The following IZUMO4 variants were observed in gnomAD, a reference collection of about 807,000 sequenced individuals.
IZUMO4 encodes the protein IZUMO family member 4, also known as izumo sperm-egg fusion protein 4.
IZUMO4 carries 51 observed loss-of-function variants against 37.1 expected under a neutral mutation model. The observed-to-expected ratio is 1.38, with a 90% confidence interval of 1.10 to 1.74. IZUMO4 has a LOEUF of 1.74. IZUMO4 is among the 40% of genes most tolerant of loss of function. The pLI is 0.00. For missense variants in IZUMO4, 364 were observed against 299.6 expected (o/e 1.21, Z -1.59); for synonymous variants, 162 against 121.4 (o/e 1.33, Z -2.20).
chr19:2,097,455 C>T lies in IZUMO4; in HGVS notation c.330C>T (p.Phe110=), dbSNP rs1387390210. 1.9e-6 allele frequency: 3 copies of T among 1,610,898 alleles called. No homozygotes were observed. The highest frequency in any genetic ancestry group is 1.7e-6 in the Non-Finnish European group (2 of 1,178,738). Reference sequence around the variant, plus strand: ...TCCCCAACGAGCTGCGAAACATCTTCCGGGAGCAGGTGCACCTCATCCAGA... The same window carrying T: ...TCCCCAACGAGCTGCGAAACATCTTTCGGGAGCAGGTGCACCTCATCCAGA... ...GYFPNELRNI[F]REQVHLIQNA... The change falls in exon 3 of 10, where the codon TTC becomes TTT. Residue 110 remains phenylalanine, a synonymous_variant. Coordinates refer to ENST00000395301, the MANE Select transcript of IZUMO4 (RefSeq NM_001039846.2).
chr19:2,098,907 TC>T, intron 8 of IZUMO4, 68 bp from the exon 9 acceptor site: 1 of 1,587,272 alleles, frequency 6.3e-7, no homozygotes, highest in Non-Finnish European at 8.6e-7. Flanking sequence ...GGTGGGGCTC[TC>T]CCTATACCTG....
chr19:2,098,779 C>A lies in IZUMO4; in HGVS notation c.537-8C>A, dbSNP rs1271591853. 2 of 1,603,958 alleles carry A rather than the reference C, an allele frequency of 1.2e-6. No homozygotes were observed. Among genetic ancestry groups the A allele is most frequent in the Non-Finnish European group, 1.7e-6 (2 of 1,175,868 alleles). ...TGGAGGGGCTGACTGCCCCACATTG[C>A]CTTTCAGACAGGACACGAGCATGAG... On this transcript the variant is annotated splice_polypyrimidine_tract_variant and splice_region_variant and intron_variant, in intron 7 of 9. Coordinates refer to ENST00000395301, the MANE Select transcript of IZUMO4 (RefSeq NM_001039846.2).
Position 2,098,424 on chromosome 19 carries a change from CTG to C in IZUMO4, c.522-10_522-9del, listed in dbSNP as rs762427050. 3 of 1,613,828 alleles carry C rather than the reference CTG, an allele frequency of 1.9e-6. No individual in the cohort carries two copies. The highest frequency in any genetic ancestry group is 2.5e-6 in the Non-Finnish European group (3 of 1,180,000). ...ACTCGGCCTCCTGAGTCCAAACCCA[CTG>C]TCTTTGTAGAAATAACTGGCACAAG... On this transcript the variant is annotated splice_polypyrimidine_tract_variant and intron_variant, in intron 6 of 9. Transcript: ENST00000395301.
At position 2,099,589 on chromosome 19, in the gene IZUMO4, C is replaced by A; in HGVS notation, c.*244C>A. On this transcript the variant is annotated 3_prime_UTR_variant, in exon 10 of 10. Coordinates refer to ENST00000395301, the MANE Select transcript of IZUMO4 (RefSeq NM_001039846.2). ...TTAAAGTCCCTGATGTTTCTCTTTG[C>A]AGAAGAGTTCTTGTTGGGGCAGGGG... 1.9e-6 allele frequency: 1 copy of A among 538,548 alleles called. No individual in the cohort carries two copies. Among genetic ancestry groups the A allele is most frequent in the Non-Finnish European group, 3.4e-6 (1 of 296,978 alleles). 33.4% of individuals were successfully genotyped at this position (538,548 alleles called of 1,614,324 possible).
At position 2,098,985 on chromosome 19, in the gene IZUMO4, C is replaced by T; in HGVS notation, c.564C>T (p.Ser188=). Residue 188 remains serine (S), a synonymous_variant, in exon 9 of 10, where the codon TCC becomes TCT. Transcript: ENST00000395301. ...GTGGTTTCATGAACAGACCACGCTC[C>T]TCTGCCTTCTCCTGGCCTGGGACAC... is the stretch of plus-strand genomic sequence containing the variant. The part of the protein sequence containing the change: ...HKQDTSMRPR[S]SAFSWPGTHR... 1 of 1,613,164 alleles carries T rather than the reference C, an allele frequency of 6.2e-7. No homozygotes were observed. The highest frequency in any genetic ancestry group is 8.5e-7 in the Non-Finnish European group (1 of 1,179,984).
chr19:2,097,631 G>C, intron 3 of IZUMO4, 136 bp downstream of exon 3: 1 of 851,254 alleles, frequency 1.2e-6, no homozygotes. Context: ...TCTCCAGGGA[G>C]GGACCCAGCC....
Position 2,097,247 on chromosome 19 carries a change from C to T in IZUMO4, c.218-5C>T, listed in dbSNP as rs374135300. On this transcript the variant is annotated splice_polypyrimidine_tract_variant and splice_region_variant and intron_variant, in intron 1 of 9. Transcript: ENST00000395301. Reference sequence around the variant, plus strand: ...CGGTCACCTGGCTTCTCCTCCTGCCCGCAGCCCGGGAGAAGCTGGACCAAG... The same window carrying T: ...CGGTCACCTGGCTTCTCCTCCTGCCTGCAGCCCGGGAGAAGCTGGACCAAG... The T allele has an allele frequency of 1.9e-6, 3 of 1,611,728 alleles. No individual in the cohort carries two copies. Among genetic ancestry groups the T allele is most frequent in the African/African-American group, 1.3e-5 (1 of 75,036 alleles).
Position 2,098,465 on chromosome 19 carries a change from C to G in IZUMO4, c.536+15C>G. The G allele has an allele frequency of 6.2e-7, 1 of 1,613,862 alleles. No individual in the cohort carries two copies. Among genetic ancestry groups the G allele is most frequent in the South Asian group, 1.1e-5 (1 of 91,080 alleles). ...AACTGGCACAAGTAAGTCCCCTCCT[C>G]AAACCAACACAGGCAGTGTGTGTAT... On this transcript the variant is annotated intron_variant, in intron 7 of 9. Transcript: ENST00000395301.
Position 2,096,971 on chromosome 19 carries a change from G to T in IZUMO4, c.26G>T (p.Cys9Phe). ...ATGGCCCTGCTGCTGTGCCTGGTGT[G>T]CCTGACGGCGGCGCTGGCCCACGGC... MALLLCLV[C>F]LTAALAHGCL... Residue 9 changes from cysteine (C) to phenylalanine (F), a missense_variant, in exon 1 of 10, where the codon TGC becomes TTC. Transcript: ENST00000395301. 2 of 1,607,902 alleles carry T rather than the reference G, an allele frequency of 1.2e-6. No homozygotes were observed. The highest frequency in any genetic ancestry group is 1.7e-6 in the Non-Finnish European group (2 of 1,179,716).
rs974425667 is a variant in IZUMO4 at position 2,097,470 on chromosome 19, C to A, written c.345C>A (p.His115Gln). The A allele has an allele frequency of 3.7e-6, 6 of 1,613,298 alleles. No homozygotes were observed. The highest frequency in any genetic ancestry group is 5.1e-6 in the Non-Finnish European group (6 of 1,179,884). Residue 115 changes from histidine (H) to glutamine (Q), a missense_variant, in exon 3 of 10, where the codon CAC (histidine) becomes CAA (glutamine). Physicochemically the swap from His to Gln is conservative, Grantham distance 24 (BLOSUM62 0). Coordinates refer to ENST00000395301, the MANE Select transcript of IZUMO4 (RefSeq NM_001039846.2). Reference protein sequence around the residue: ...ELRNIFREQVHLIQNAIIESR... With the variant: ...ELRNIFREQVQLIQNAIIESR... ...GAAACATCTTCCGGGAGCAGGTGCA[C>A]CTCATCCAGAACGCCATCATCGAAA...
At chr19:2,098,905 T>C in intron 8 of IZUMO4, 71 bp from the exon 9 acceptor site, 1 of 1,585,712 alleles carries the variant, frequency 6.3e-7, no homozygotes, top group Non-Finnish European at 8.7e-7. Flanking sequence ...CAGGTGGGGC[T>C]CTCCCTATAC....
At chr19:2,097,675 G>A (rs765475442) in intron 3 of IZUMO4, 180 bp downstream of exon 3, 1 of 717,450 alleles carries the variant, frequency 1.4e-6, no homozygotes, top group Non-Finnish European at 2.4e-6. Context: ...TCACCCCGCG[G>A]GGACCTCCCC....
intron 9 of IZUMO4, 24 bp downstream of exon 9, chr19:2,099,053 C>G: frequency 1.2e-6 from 2 of 1,609,084 alleles, no homozygotes; most frequent in Non-Finnish European, 1.7e-6. Flanking sequence ...AGAAGGGAGG[C>G]CTCGGGAGAA....
chr19:2,097,457 G>A lies in IZUMO4; in HGVS notation c.332G>A (p.Arg111Gln), dbSNP rs963033911. 6.8e-6 allele frequency: 11 copies of A among 1,610,296 alleles called. No individual in the cohort carries two copies. The East Asian group carries it at 2.2e-4, about 33-fold the overall frequency. ...CCCAACGAGCTGCGAAACATCTTCC[G>A]GGAGCAGGTGCACCTCATCCAGAAC... ...YFPNELRNIFREQVHLIQNAI... is the reference protein window; with the variant it reads ...YFPNELRNIFQEQVHLIQNAI... The change falls in exon 3 of 10, where the codon CGG becomes CAG. Residue 111 changes from arginine to glutamine, a missense_variant. Transcript: ENST00000395301.
At chr19:2,098,025 C>A (rs372966413) in intron 4 of IZUMO4, 27 bp from the exon 5 acceptor site, 2 of 1,613,012 alleles carry the variant, frequency 1.2e-6, no homozygotes, top group African/African-American at 2.7e-5. Context: ...CTGAGGGGAG[C>A]CCTGGCGGCT....
In IZUMO4 at chr19:2,097,419, C is replaced by CTCAGGGTATTTCCCCAACGA. The variant is rs1568262021; in HGVS notation, c.299-4_314dup. On this transcript the variant is annotated splice_polypyrimidine_tract_variant and splice_region_variant and intron_variant, in intron 2 of 9. Coordinates refer to ENST00000395301, the MANE Select transcript of IZUMO4 (RefSeq NM_001039846.2). ...GCCTGACCTTCTCCTGCCTCGACGA[C>CTCAGGGTATTTCCCCAACGA]TCAGGGTATTTCCCCAACGAGCTGC... 3.1e-6 allele frequency: 5 copies of CTCAGGGTATTTCCCCAACGA among 1,612,194 alleles called. No homozygotes were observed. The highest frequency in any genetic ancestry group is 4.2e-6 in the Non-Finnish European group (5 of 1,179,330).
intron 9 of IZUMO4, 48 bp from the exon 10 acceptor site, chr19:2,099,207 C>T (rs2017836520): frequency 5.8e-6 from 9 of 1,553,526 alleles, no homozygotes; most frequent in Non-Finnish European, 8.0e-6. Flanking sequence ...GGGAGGGAGG[C>T]AGGGGGTGGG....
At position 2,097,427 on chromosome 19, in the gene IZUMO4, A is replaced by G. The variant is rs761576106; in HGVS notation, c.302A>G (p.Tyr101Cys). 16 of 1,606,888 alleles carry G rather than the reference A, an allele frequency of 1.0e-5. No individual in the cohort carries two copies. The highest frequency in any genetic ancestry group is 1.7e-5 in the Admixed American group (1 of 59,816). ...TTCTCCTGCCTCGACGACTCAGGGT[A>G]TTTCCCCAACGAGCTGCGAAACATC... is the stretch of plus-strand genomic sequence containing the variant. ...LYQGKMYFPG[Y>C]FPNELRNIFR... Residue 101 changes from tyrosine (Y) to cysteine (C), a missense_variant, in exon 3 of 10, where the codon TAT (tyrosine) becomes TGT (cysteine). Coordinates refer to ENST00000395301, the MANE Select transcript of IZUMO4 (RefSeq NM_001039846.2).
In IZUMO4 at chr19:2,099,016, G is replaced by T; in HGVS notation, c.595G>T (p.Ala199Ser). 6.2e-7 allele frequency: 1 copy of T among 1,613,104 alleles called. No homozygotes were observed. The highest frequency in any genetic ancestry group is 1.1e-5 in the South Asian group (1 of 91,088). Reference protein sequence around the residue: ...SAFSWPGTHRATPAFLVSPAL... With the variant: ...SAFSWPGTHRSTPAFLVSPAL... ...CTTCTCCTGGCCTGGGACACACAGA[G>T]CCACCCCGGCCTTGTGAGTGACCCA... Residue 199 changes from alanine (A) to serine (S), a missense_variant, in exon 9 of 10, where the codon GCC (alanine) becomes TCC (serine). By Grantham distance (99) the Ala-to-Ser change is moderately conservative. Transcript: ENST00000395301.
Sources: allele counts gnomAD v4.1 joint callset, GRCh38; gene constraint gnomAD v4.1.1; transcripts MANE v1.5; gene names NCBI Gene and HGNC (gene_info 2026-07-23, HGNC 2026-07-21).